The following CPS1 variants were observed in gnomAD, a reference collection of about 807,000 sequenced individuals.
CPS1 encodes carbamoyl-phosphate synthase 1.
Under a neutral mutation model 174.6 loss-of-function variants are expected in CPS1, and 109 were observed. The observed-to-expected ratio is 0.62, with a 90% CI of 0.53 to 0.73. CPS1 has a LOEUF of 0.73. Among genes scored for constraint, CPS1 ranks in the 30% least tolerant of loss-of-function variants. The pLI, the probability that CPS1 is intolerant of heterozygous loss-of-function variation, is 0.00. For missense variants in CPS1, 1,689 were observed against 1,821.9 expected (o/e 0.93, Z 1.33); for synonymous variants, 637 against 632.0 (o/e 1.01, Z -0.12).
At chr2:210,663,320 G>T in intron 33 of CPS1, 123 bp downstream of exon 33, 1 of 911,964 alleles carries the variant, frequency 1.1e-6, no homozygotes, top group Non-Finnish European at 1.7e-6. Flanking sequence ...GACTCAAAGA[G>T]CTTATGAATT....
rs561557861 is a variant in CPS1, at chr2:210,545,220, G to A, written c.4-11499G>A. On this transcript the variant is annotated intron_variant, in intron 1 of 38. Coordinates refer to the CPS1 transcript ENST00000430249. ...GCCATCCTGTGTATAAGCTCTAACG[G>A]TCAGAAGTTTGTTTGCTTTGATTTT... 2.0e-5 allele frequency among the ~76,000 whole-genome samples: 3 copies of A among 152,114 alleles called. No individual in the cohort carries two copies. The East Asian group carries it at 5.8e-4, about 30-fold the overall frequency.
intron 1 of CPS1, among the ~76,000 whole-genome samples, chr2:210,571,734 GA>G (rs944675018): frequency 6.6e-6 from 1 of 151,932 alleles, no homozygotes; most frequent in Non-Finnish European, 1.5e-5. Flanking sequence ...AATTATTATA[GA>G]AAAATAACGG....
At chr2:210,629,360 G>A (rs1207250550) in intron 21 of CPS1, among the ~76,000 whole-genome samples, 1 of 151,948 alleles carries the variant, frequency 6.6e-6, no homozygotes, top group Non-Finnish European at 1.5e-5. Context: ...TGTCGCCCAG[G>A]CTGGAGTGCA....
chr2:210,660,282 G>C (rs572726480), intron 31 of CPS1, among the ~76,000 whole-genome samples: 18 of 152,238 alleles, frequency 1.2e-4, no homozygotes, highest in African/African-American at 4.3e-4. Context: ...TTGGAAAAAG[G>C]CATGAAAGAA....
At chr2:210,660,347 G>A (rs1700875143) in intron 31 of CPS1, 138 bp from the exon 32 acceptor site, 9 of 840,646 alleles carry the variant, frequency 1.1e-5, no homozygotes, top group Non-Finnish European at 1.8e-5. Context: ...AAGCAGTAAG[G>A]AGAAAAGAGA....
intron 11 of CPS1, among the ~76,000 whole-genome samples, chr2:210,593,918 A>G (rs1337586586): frequency 6.6e-6 from 1 of 151,958 alleles, no homozygotes; most frequent in Non-Finnish European, 1.5e-5. Context: ...TTAAATTAGC[A>G]TATATTAGTA....
chr2:210,674,515 G>T, intron 34 of CPS1: 5 of 170,340 alleles, frequency 2.9e-5, no homozygotes, highest in Admixed American at 5.9e-5. Flanking sequence ...AGAGCAGGTT[G>T]AATAGGCAAA....
chr2:210,506,290 C>G (rs555568105), intron 1 of CPS1, among the ~76,000 whole-genome samples: 2 of 152,240 alleles, frequency 1.3e-5, no homozygotes, highest in South Asian at 4.1e-4. Flanking sequence ...GAGTGGACCT[C>G]CAGCAAACTC....
chr2:210,634,774 G>C (rs751710338), intron 21 of CPS1, among the ~76,000 whole-genome samples: 2 of 152,086 alleles, frequency 1.3e-5, no homozygotes, highest in African/African-American at 2.4e-5. Context: ...TACAGAGCAC[G>C]TACTCACTAA....
intron 12 of CPS1, 50 bp downstream of exon 12, chr2:210,594,656 C>A: frequency 7.5e-7 from 1 of 1,335,214 alleles, no homozygotes; most frequent in Non-Finnish European, 1.1e-6. Flanking sequence ...TTGTCCCTAT[C>A]ACATGAAGAT....
intron 1 of CPS1, among the ~76,000 whole-genome samples, chr2:210,497,889 CATACATATATATATATATATAT>C (rs1450427988): frequency 1.6e-5 from 1 of 63,066 alleles, no homozygotes; most frequent in Non-Finnish European, 3.6e-5. Context: ...ACAATATATA[CATACATATATATATATATATAT>C]ATATATATCT....
intron 33 of CPS1, among the ~76,000 whole-genome samples, chr2:210,664,216 G>C (rs1054689998): frequency 6.6e-6 from 1 of 152,164 alleles, no homozygotes; most frequent in Non-Finnish European, 1.5e-5. Flanking sequence ...TCGGTTTAAG[G>C]AGACAGTCTT....
At chr2:210,609,014 C>T (rs1043710233) in intron 19 of CPS1, among the ~76,000 whole-genome samples, 3 of 151,822 alleles carry the variant, frequency 2.0e-5, no homozygotes, top group East Asian at 3.9e-4. Flanking sequence ...GACCTCATTC[C>T]CCACATCTAT....
At chr2:210,549,148 A>G (rs1178273787) in intron 1 of CPS1, among the ~76,000 whole-genome samples, 1 of 152,092 alleles carries the variant, frequency 6.6e-6, no homozygotes, top group East Asian at 1.9e-4. Flanking sequence ...AAGAGGGTCC[A>G]GTAGTGTCCT....
At chr2:210,582,202 C>T (rs1284235974) in intron 5 of CPS1, among the ~76,000 whole-genome samples, 3 of 152,068 alleles carry the variant, frequency 2.0e-5, no homozygotes, top group African/African-American at 7.2e-5. Flanking sequence ...AATGAATTCC[C>T]GCTTTTTTTG....
At chr2:210,668,144 C>G (rs760036240) in intron 33 of CPS1, 42 bp from the exon 34 acceptor site, 2 of 1,396,716 alleles carry the variant, frequency 1.4e-6, no homozygotes, top group Non-Finnish European at 2.0e-6. Context: ...GTTGACTATT[C>G]TTTGCATCCT....
At chr2:210,588,942 C>T (rs565081396) in intron 7 of CPS1, among the ~76,000 whole-genome samples, 1 of 152,178 alleles carries the variant, frequency 6.6e-6, no homozygotes, top group African/African-American at 2.4e-5. Context: ...CTCAAGTTAC[C>T]ATTTTAATTC....
chr2:210,633,011 A>G (rs1479765223), intron 21 of CPS1, among the ~76,000 whole-genome samples: 2 of 152,230 alleles, frequency 1.3e-5, no homozygotes, highest in East Asian at 1.9e-4. Flanking sequence ...CTAAGAATCA[A>G]CTAGTGAGAT....
chr2:210,668,588 C>CTA (rs1701185049), intron 34 of CPS1, among the ~76,000 whole-genome samples: 1 of 152,080 alleles, frequency 6.6e-6, no homozygotes, highest in Non-Finnish European at 1.5e-5. Flanking sequence ...TTTGTCTTTT[C>CTA]TATATGTTTT....
Sources: allele counts gnomAD v4.1 joint callset (sites outside exome capture counted in the v4.1 genomes callset), GRCh38; gene constraint gnomAD v4.1.1; transcripts MANE v1.5; gene names NCBI Gene and HGNC (gene_info 2026-07-23, HGNC 2026-07-21).